Variants in ADIPOR2 observed in about 807,000 individuals in gnomAD.
ADIPOR2 encodes adiponectin receptor 2, also known as adiponectin receptor protein 2.
ADIPOR2 carries 18 observed loss-of-function variants against 40.9 expected under a neutral mutation model. The observed-to-expected ratio is 0.44, with a 90% CI of 0.30 to 0.65. ADIPOR2 has a LOEUF of 0.65. Ranked by LOEUF, ADIPOR2 falls within the 30% of genes least tolerant of loss-of-function variation. ADIPOR2 has a pLI of 0.09. For synonymous variants in ADIPOR2, 165 were observed against 166.4 expected, an observed-to-expected ratio of 0.99 and a Z score of 0.06; for missense variants, 283 against 479.2, an observed-to-expected ratio of 0.59 and a Z score of 3.82.
At chr12:1,741,434 G>A (rs542205633) in intron 1 of ADIPOR2, among the ~76,000 whole-genome samples, 1 of 152,130 alleles carries the variant, frequency 6.6e-6, no homozygotes, top group Non-Finnish European at 1.5e-5. Flanking sequence ...ATTAAGTATG[G>A]GGGCTTAGGA....
At chr12:1,735,446 G>T (rs1265187230) in intron 1 of ADIPOR2, among the ~76,000 whole-genome samples, 2 of 152,162 alleles carry the variant, frequency 1.3e-5, no homozygotes, top group African/African-American at 4.8e-5. Flanking sequence ...CGTTGATTTT[G>T]TATCCTGAGA....
intron 1 of ADIPOR2, among the ~76,000 whole-genome samples, chr12:1,737,801 C>CT (rs2094734071): frequency 6.6e-6 from 1 of 152,168 alleles, no homozygotes; most frequent in East Asian, 1.9e-4. Flanking sequence ...ATCTGCCCAT[C>CT]TTGGCTTCCC....
intron 1 of ADIPOR2, among the ~76,000 whole-genome samples, chr12:1,701,903 C>T (rs896928426): frequency 6.6e-6 from 1 of 152,126 alleles, no homozygotes; most frequent in Non-Finnish European, 1.5e-5. Context: ...GGGCGGATCA[C>T]CTGAGGTCAG....
At chr12:1,713,672 T>A (rs1324845847) in intron 1 of ADIPOR2, among the ~76,000 whole-genome samples, 51 of 152,148 alleles carry the variant, frequency 3.4e-4, no homozygotes, top group African/African-American at 1.2e-3. Flanking sequence ...TCCTCCCTAA[T>A]AAGGGTATGG....
chr12:1,765,858 C>A (rs925772907), intron 2 of ADIPOR2, among the ~76,000 whole-genome samples: 2 of 152,148 alleles, frequency 1.3e-5, no homozygotes, highest in African/African-American at 4.8e-5. Context: ...GCTTTTCCTT[C>A]TATTCTAATT....
intron 2 of ADIPOR2, among the ~76,000 whole-genome samples, chr12:1,763,072 G>A (rs1306140996): frequency 1.3e-5 from 2 of 152,202 alleles, no homozygotes; most frequent in Admixed American, 6.5e-5. Context: ...GTTAGATTAC[G>A]TTTACCTGTG....
At chr12:1,770,379 A>G (rs920619348) in intron 2 of ADIPOR2, among the ~76,000 whole-genome samples, 1 of 152,228 alleles carries the variant, frequency 6.6e-6, no homozygotes, top group African/African-American at 2.4e-5. Flanking sequence ...AGTAATTTGT[A>G]TGAGAATAAA....
chr12:1,736,756 A>G lies in ADIPOR2; in HGVS notation c.-86-17502A>G, dbSNP rs549129406. The stretch of plus-strand genomic sequence containing the variant: ...CTTTCTCTTGTGGGCATTTAGTGCT[A>G]TAAATTTCCCTCTACACACTGCCTT... On this transcript the variant is annotated intron_variant, in intron 1 of 7. Coordinates refer to ENST00000357103, the MANE Select transcript of ADIPOR2 (RefSeq NM_024551.3). Among the ~76,000 whole-genome samples the G allele has an allele frequency of 8.5e-5, 13 of 152,372 alleles. 1 individual carries two copies. In the East Asian group the frequency reaches 2.3e-3, roughly 27 times the overall value.
intron 1 of ADIPOR2, among the ~76,000 whole-genome samples, chr12:1,719,913 G>A (rs572619357): frequency 7.9e-5 from 12 of 152,250 alleles, no homozygotes; most frequent in Non-Finnish European, 1.5e-4. Context: ...CTGACCTCAA[G>A]TGATCTGTCT....
At chr12:1,742,766 T>TAG (rs1368872460) in intron 1 of ADIPOR2, among the ~76,000 whole-genome samples, 1 of 152,222 alleles carries the variant, frequency 6.6e-6, no homozygotes, top group African/African-American at 2.4e-5. Context: ...ATGTTCAGAA[T>TAG]AGATGTAATT....
intron 1 of ADIPOR2, among the ~76,000 whole-genome samples, chr12:1,725,937 A>G (rs2094707107): frequency 6.6e-6 from 1 of 152,182 alleles, no homozygotes; most frequent in South Asian, 2.1e-4. Flanking sequence ...TCTACTGTGT[A>G]TCAGTTGCAG....
intron 1 of ADIPOR2, among the ~76,000 whole-genome samples, chr12:1,720,569 G>A (rs952499328): frequency 1.2e-4 from 18 of 152,154 alleles, no homozygotes; most frequent in Admixed American, 4.6e-4. Flanking sequence ...CATAAGGAGC[G>A]TGCAACCTAG....
At chr12:1,769,124 A>G (rs758441353) in intron 2 of ADIPOR2, among the ~76,000 whole-genome samples, 4 of 152,234 alleles carry the variant, frequency 2.6e-5, no homozygotes, top group Non-Finnish European at 4.4e-5. Context: ...TGGCTGTTGG[A>G]TGGAAATTAG....
intron 1 of ADIPOR2, among the ~76,000 whole-genome samples, chr12:1,704,210 C>T (rs1406078491): frequency 6.6e-6 from 1 of 151,972 alleles, no homozygotes; most frequent in Non-Finnish European, 1.5e-5. Flanking sequence ...TCTTGTTAAG[C>T]ACAATTGCAG....
intron 1 of ADIPOR2, among the ~76,000 whole-genome samples, chr12:1,733,649 C>T (rs1373318008): frequency 6.6e-6 from 1 of 152,020 alleles, no homozygotes; most frequent in African/African-American, 2.4e-5. Flanking sequence ...GGTACATGTG[C>T]ACAACATGCA....
At chr12:1,783,082 C>G (rs1430666805) in intron 6 of ADIPOR2, among the ~76,000 whole-genome samples, 1 of 149,394 alleles carries the variant, frequency 6.7e-6, no homozygotes, top group Non-Finnish European at 1.5e-5. Context: ...ATCTGCCTGC[C>G]TCGGCCTCCC....
At chr12:1,693,834 T>C (rs571449088) in intron 1 of ADIPOR2, among the ~76,000 whole-genome samples, 139 of 152,260 alleles carry the variant, frequency 9.1e-4, no homozygotes, top group African/African-American at 3.2e-3. Flanking sequence ...TGCCCAGCCC[T>C]GTAATCTGCT....
Position 1,780,655 on chromosome 12 carries a change from C to G in ADIPOR2, c.650+18C>G. 6.4e-7 allele frequency: 1 copy of G among 1,553,426 alleles called. No individual in the cohort carries two copies. Among genetic ancestry groups the G allele is most frequent in the South Asian group, 1.2e-5 (1 of 81,528 alleles). On this transcript the variant is annotated intron_variant, in intron 5 of 7. Coordinates refer to ENST00000357103, the MANE Select transcript of ADIPOR2 (RefSeq NM_024551.3). Reference sequence around the variant, plus strand: ...TTCTCTAAGTAAGTATCTGTAAAGTCCGTATTTTGGCCAATGATTTAGAGG... The same window carrying G: ...TTCTCTAAGTAAGTATCTGTAAAGTGCGTATTTTGGCCAATGATTTAGAGG...
chr12:1,746,655 G>A (rs2094755673), intron 1 of ADIPOR2, among the ~76,000 whole-genome samples: 1 of 152,170 alleles, frequency 6.6e-6, no homozygotes, highest in Non-Finnish European at 1.5e-5. Context: ...GCAACAGACA[G>A]ATCTAAAATA....
Sources: allele counts gnomAD v4.1 joint callset (sites outside exome capture counted in the v4.1 genomes callset), GRCh38; gene constraint gnomAD v4.1.1; transcripts MANE v1.5; gene names NCBI Gene and HGNC (gene_info 2026-07-23, HGNC 2026-07-21).